The following FAT4 variants were observed in gnomAD, a reference collection of about 807,000 sequenced individuals.
FAT4 encodes FAT atypical cadherin 4.
A neutral mutation model predicts 303.9 loss-of-function variants in FAT4; 84 were observed. The observed-to-expected ratio is 0.28, with a 90% confidence interval of 0.23 to 0.33. The LOEUF (loss-of-function observed/expected upper bound fraction) is 0.33, where lower values mean the gene tolerates loss of function less well. Ranked by LOEUF, FAT4 falls within the 10% of genes least tolerant of loss-of-function variation. The pLI is 1.00. For synonymous variants in FAT4, 2,307 were observed against 2,298.8 expected (o/e 1.00, Z -0.10); for missense variants, 6,005 against 6,146.8 (o/e 0.98, Z 0.77).
At chr4:125,443,184 A>G (rs1276943313) in intron 8 of FAT4, among the ~76,000 whole-genome samples, 1 of 152,170 alleles carries the variant, frequency 6.6e-6, no homozygotes, top group African/African-American at 2.4e-5. Context: ...TCAAATGGGG[A>G]TATTTTAACT....
At chr4:125,430,578 A>G (rs1462857141) in intron 7 of FAT4, among the ~76,000 whole-genome samples, 1 of 152,142 alleles carries the variant, frequency 6.6e-6, no homozygotes, top group Non-Finnish European at 1.5e-5. Context: ...TTTTAAAACT[A>G]ACAAGACTTG....
At chr4:125,407,274 G>T in intron 4 of FAT4, 133 bp downstream of exon 4, 1 of 790,376 alleles carries the variant, frequency 1.3e-6, no homozygotes, top group South Asian at 2.1e-5. Flanking sequence ...TATATATGCT[G>T]GATTGTTGGA....
intron 5 of FAT4, among the ~76,000 whole-genome samples, chr4:125,409,730 C>T (rs1487899504): frequency 6.6e-6 from 1 of 152,150 alleles, no homozygotes; most frequent in African/African-American, 2.4e-5. Context: ...ACTCCTTTGG[C>T]CTTTCTTCTA....
chr4:125,431,850 A>G lies in FAT4; in HGVS notation c.7019-2395A>G, dbSNP rs543093689. 2.5e-5 allele frequency among the ~76,000 whole-genome samples: 3 copies of G among 122,016 alleles called. No individual in the cohort carries two copies. In the South Asian group the frequency reaches 7.0e-4, roughly 28 times the overall value. The allele number at this position is 122,016 out of a possible 152,430, so 80.0% of individuals were successfully genotyped here. On this transcript the variant is annotated intron_variant, in intron 7 of 17. Coordinates refer to ENST00000394329, the MANE Select transcript of FAT4 (RefSeq NM_001291303.3). ...TCACACAAATGCACACATATTCCCT[A>G]GGTAATTTTTTTTTTATGCAACTGG...
intron 12 of FAT4, among the ~76,000 whole-genome samples, chr4:125,469,040 A>G (rs761835657): frequency 6.6e-6 from 1 of 152,212 alleles, no homozygotes; most frequent in Non-Finnish European, 1.5e-5. Context: ...AAATAATTTC[A>G]TTGATATTTT....
At chr4:125,353,217 T>C (rs901985772) in intron 2 of FAT4, among the ~76,000 whole-genome samples, 1 of 151,690 alleles carries the variant, frequency 6.6e-6, no homozygotes, top group African/African-American at 2.4e-5. Flanking sequence ...ATTCAATCAG[T>C]TTTATAATAA....
chr4:125,423,464 T>G (rs924409940), intron 7 of FAT4, among the ~76,000 whole-genome samples: 1 of 152,214 alleles, frequency 6.6e-6, no homozygotes, highest in African/African-American at 2.4e-5. Context: ...AGTTTCCACA[T>G]GGTGTTGAGC....
chr4:125,465,015 A>G (rs2126072880), intron 11 of FAT4, among the ~76,000 whole-genome samples: 1 of 152,298 alleles, frequency 6.6e-6, no homozygotes, highest in East Asian at 1.9e-4. Context: ...CTTCATGACT[A>G]TCTGTTTTTA....
In FAT4 at chr4:125,325,225, C is replaced by T. The variant is rs538309459; in HGVS notation, c.5175+3639C>T. On this transcript the variant is annotated intron_variant, in intron 2 of 17. Transcript: ENST00000394329. ...CTGTTACATAAAAATACATTTATCT[C>T]GCATTCGTAATGATTTTTTTTTACC... Among the ~76,000 whole-genome samples the T allele has an allele frequency of 1.8e-4, 27 of 152,192 alleles. No homozygotes were observed. The South Asian group carries it at 4.2e-3, about 23-fold the overall frequency.
intron 2 of FAT4, among the ~76,000 whole-genome samples, chr4:125,384,671 C>T (rs1184540755): frequency 6.6e-6 from 1 of 151,946 alleles, no homozygotes; most frequent in African/African-American, 2.4e-5. Flanking sequence ...GTCTAAATTT[C>T]CAGTCTTCTA....
chr4:125,442,691 T>C (rs1249380255), intron 8 of FAT4, among the ~76,000 whole-genome samples: 1 of 152,130 alleles, frequency 6.6e-6, no homozygotes, highest in Non-Finnish European at 1.5e-5. Context: ...ATCCCCTAGA[T>C]CTCTCATTAT....
rs181174077 is a variant in FAT4 at position 125,381,269 on chromosome 4, T to C, written c.5176-17515T>C. On this transcript the variant is annotated intron_variant, in intron 2 of 17. Coordinates refer to ENST00000394329, the MANE Select transcript of FAT4 (RefSeq NM_001291303.3). ...TTATTGACCATTTTCTGCCCTTCTA[T>C]ACTTTTCTAAGCCCATAGGCTGTGG... Among the ~76,000 whole-genome samples the C allele has an allele frequency of 3.9e-4, 60 of 152,336 alleles. 1 individual carries two copies. The highest frequency in any genetic ancestry group is 3.7e-3 in the Admixed American group (56 of 15,300).
At chr4:125,358,896 C>G (rs1340964712) in intron 2 of FAT4, among the ~76,000 whole-genome samples, 1 of 152,110 alleles carries the variant, frequency 6.6e-6, no homozygotes, top group Non-Finnish European at 1.5e-5. Flanking sequence ...AAATCACTTA[C>G]ATTGTACTTT....
At chr4:125,340,453 G>GGGTA (rs1731744077) in intron 2 of FAT4, among the ~76,000 whole-genome samples, 1 of 151,602 alleles carries the variant, frequency 6.6e-6, no homozygotes, top group African/African-American at 2.4e-5. Context: ...GCGTGATCTC[G>GGGTA]GCTAGCTGCA....
intron 6 of FAT4, among the ~76,000 whole-genome samples, 155 bp from the exon 7 acceptor site, chr4:125,416,293 A>G (rs1431494049): frequency 2.0e-5 from 3 of 152,104 alleles, no homozygotes; most frequent in African/African-American, 4.8e-5. Context: ...GATATATACT[A>G]TAGTGTGCCA....
In FAT4 at chr4:125,468,705, C is replaced by T. The variant is rs774481338; in HGVS notation, c.12099C>T (p.Ala4033=). The change falls in exon 12 of 18, where the codon GCC becomes GCT. Residue 4033 remains alanine, a synonymous_variant. Transcript: ENST00000394329. Reference sequence around the variant, plus strand: ...CTGAGTTTTTGGCCCTTGAAATTGCCGAAGAAAGACTAAGATTCTCTTATA... The same window carrying T: ...CTGAGTTTTTGGCCCTTGAAATTGCTGAAGAAAGACTAAGATTCTCTTATA... ...DRAEFLALEI[A]EERLRFSYNL... is the part of the protein sequence containing the mutation. 4.8e-5 allele frequency: 78 copies of T among 1,613,860 alleles called. No individual in the cohort carries two copies. In the Middle Eastern group the frequency reaches 6.6e-4, roughly 14 times the overall value.
chr4:125,473,137 A>G (rs1726920330), intron 12 of FAT4, among the ~76,000 whole-genome samples: 1 of 152,070 alleles, frequency 6.6e-6, no homozygotes, highest in Admixed American at 6.6e-5. Flanking sequence ...ACATTTCCAT[A>G]TTATTGTAAA....
intron 7 of FAT4, among the ~76,000 whole-genome samples, chr4:125,422,546 G>A (rs1724939032): frequency 6.6e-6 from 1 of 152,166 alleles, no homozygotes; most frequent in African/African-American, 2.4e-5. Flanking sequence ...CTGCCACCAT[G>A]TGAAGAAAGA....
At chr4:125,359,084 T>C (rs941947688) in intron 2 of FAT4, among the ~76,000 whole-genome samples, 3 of 152,194 alleles carry the variant, frequency 2.0e-5, no homozygotes, top group African/African-American at 7.2e-5. Flanking sequence ...CAACAAATAA[T>C]AGAAGCAGCA....
Sources: allele counts gnomAD v4.1 joint callset (sites outside exome capture counted in the v4.1 genomes callset), GRCh38; gene constraint gnomAD v4.1.1; transcripts MANE v1.5; gene names NCBI Gene and HGNC (gene_info 2026-07-23, HGNC 2026-07-21).